The following STMP1 variants were observed in gnomAD, a reference collection of about 807,000 sequenced individuals.
STMP1 encodes the protein short transmembrane mitochondrial protein 1.
Under a neutral mutation model 7.0 loss-of-function variants are expected in STMP1, and 7 were observed. The ratio of observed to expected loss-of-function variants is 1.01; its 90% CI spans 0.57 to 1.89. The LOEUF (loss-of-function observed/expected upper bound fraction) is 1.89, where lower values mean the gene tolerates loss of function less well. STMP1 is among the 40% of genes most tolerant of loss of function. STMP1 has a pLI of 0.00. For missense variants in STMP1, 45 were observed against 53.0 expected (o/e 0.85, Z 0.47); for synonymous variants, 19 against 18.4 (o/e 1.03, Z -0.08).
intron 1 of STMP1, among the ~76,000 whole-genome samples, chr7:135,670,552 G>T (rs1430158056): frequency 1.3e-5 from 2 of 152,030 alleles, no homozygotes; most frequent in Non-Finnish European, 2.9e-5. Context: ...TGCTTTTCTG[G>T]CTTCATGCAT....
In STMP1 at chr7:135,662,576, C is replaced by T. The variant is rs1375143947; in HGVS notation, c.-4C>T. On this transcript the variant is annotated 5_prime_UTR_variant, in exon 1 of 3. Coordinates refer to ENST00000507606, the MANE Select transcript of STMP1 (RefSeq NM_001130929.2). ...GCGCCCTCCTCGCCCTCCCCACCGACATCATGCTCCAGTTCCTGGTGAGTG... is the reference window on the plus strand; with the variant it reads ...GCGCCCTCCTCGCCCTCCCCACCGATATCATGCTCCAGTTCCTGGTGAGTG... 10 of 1,548,632 alleles carry T rather than the reference C, an allele frequency of 6.5e-6. No homozygotes were observed. Among genetic ancestry groups the T allele is most frequent in the African/African-American group, 1.4e-5 (1 of 72,780 alleles).
chr7:135,670,691 T>C (rs1795348117), intron 1 of STMP1, among the ~76,000 whole-genome samples: 1 of 149,458 alleles, frequency 6.7e-6, no homozygotes, highest in African/African-American at 2.6e-5. Flanking sequence ...GTTTTTGTTT[T>C]GTGTTGTGTT....
chr7:135,669,878 T>A (rs78951724), intron 1 of STMP1, among the ~76,000 whole-genome samples: 2,784 of 152,352 alleles, frequency 0.018, 78 homozygotes, highest in African/African-American at 0.06. Flanking sequence ...TGAGTTATGA[T>A]GAAATGTAGT....
chr7:135,663,798 A>T (rs1289557250), intron 1 of STMP1, among the ~76,000 whole-genome samples: 1 of 152,168 alleles, frequency 6.6e-6, no homozygotes, highest in Non-Finnish European at 1.5e-5. Flanking sequence ...GGTGCGCGCC[A>T]GCAGGCCCAG....
chr7:135,666,509 C>T lies in STMP1; in HGVS notation c.15+3915C>T, dbSNP rs181063372. ...GATTACAGACGTGTGCCACCATCCC[C>T]GGCTAATTTTTGTATTTTTAGTAGA... On this transcript the variant is annotated intron_variant, in intron 1 of 2. Transcript: ENST00000507606. 4.8e-4 allele frequency among the ~76,000 whole-genome samples: 73 copies of T among 151,928 alleles called. 1 individual carries two copies. The South Asian group carries it at 6.2e-3, about 13-fold the overall frequency.
chr7:135,667,718 G>A lies in STMP1; in HGVS notation c.16-5035G>A, dbSNP rs183408514. The stretch of plus-strand genomic sequence containing the variant: ...GTCCAATTTTTTTTTTTGGTTACTT[G>A]TACTTTTGGTGTCATATCTAAGAAA... On this transcript the variant is annotated intron_variant, in intron 1 of 2. Transcript: ENST00000507606. Among the ~76,000 whole-genome samples, 421 of 149,256 alleles carry A rather than the reference G, an allele frequency of 2.8e-3. 3 individuals carry two copies. Among genetic ancestry groups the A allele is most frequent in the African/African-American group, 9.7e-3 (394 of 40,458 alleles).
chr7:135,663,820 A>G (rs577053696), intron 1 of STMP1, among the ~76,000 whole-genome samples: 2 of 151,104 alleles, frequency 1.3e-5, no homozygotes, highest in South Asian at 4.2e-4. Flanking sequence ...TAATTTTTGT[A>G]TTTTTAGTAG....
intron 1 of STMP1, among the ~76,000 whole-genome samples, chr7:135,669,559 C>G (rs926209715): frequency 6.6e-6 from 1 of 152,168 alleles, no homozygotes; most frequent in Non-Finnish European, 1.5e-5. Flanking sequence ...TCTGCAGTCC[C>G]TTAATCAAAA....
intron 1 of STMP1, among the ~76,000 whole-genome samples, chr7:135,664,344 ATTTTTT>A (rs767469164): frequency 1.1e-4 from 13 of 114,986 alleles, no homozygotes; most frequent in Admixed American, 6.3e-4. Context: ...CTGTGTGTTA[ATTTTTT>A]TTTTTTTTTT....
Position 135,674,255 on chromosome 7 carries a change from T to C in STMP1, c.*90T>C. 9.8e-7 allele frequency: 1 copy of C among 1,021,680 alleles called. No individual in the cohort carries two copies. The highest frequency in any genetic ancestry group is 1.4e-6 in the Non-Finnish European group (1 of 703,094). 63.3% of individuals were successfully genotyped at this position (1,021,680 alleles called of 1,614,324 possible). A position where few individuals can be genotyped will look rare whatever the true frequency, so the allele number is the denominator to read the frequency against. On this transcript the variant is annotated 3_prime_UTR_variant, in exon 3 of 3. Coordinates refer to ENST00000507606, the MANE Select transcript of STMP1 (RefSeq NM_001130929.2). ...TCTGAACCAAAAGCTTTTGTTTTCG[T>C]CTCCAGCCTCAGCACTTCTCTTCTT... is the stretch of plus-strand genomic sequence containing the variant.
intron 2 of STMP1, 164 bp downstream of exon 2, chr7:135,672,970 C>T (rs1391610474): frequency 1.6e-6 from 1 of 635,272 alleles, no homozygotes; most frequent in South Asian, 2.0e-5. Flanking sequence ...AAAAAGTAAT[C>T]CAACTCATGA....
chr7:135,663,836 G>A (rs1440632647), intron 1 of STMP1, among the ~76,000 whole-genome samples: 1 of 152,032 alleles, frequency 6.6e-6, no homozygotes, highest in Non-Finnish European at 1.5e-5. Context: ...AGTAGAGACG[G>A]GGTTTCACCC....
intron 1 of STMP1, among the ~76,000 whole-genome samples, chr7:135,666,575 CAT>C (rs1362283320): frequency 6.6e-6 from 1 of 152,096 alleles, no homozygotes; most frequent in Non-Finnish European, 1.5e-5. Context: ...CTCCTGGCCT[CAT>C]GTGATCTGCC....
intron 2 of STMP1, 82 bp from the exon 3 acceptor site, chr7:135,674,009 C>A: frequency 1.2e-6 from 1 of 858,800 alleles, no homozygotes; most frequent in South Asian, 1.7e-5. Context: ...GCTTGTAAAA[C>A]CATTTATCTT....
intron 1 of STMP1, among the ~76,000 whole-genome samples, chr7:135,671,960 T>C (rs1045536747): frequency 6.6e-6 from 1 of 152,196 alleles, no homozygotes; most frequent in Non-Finnish European, 1.5e-5. Flanking sequence ...TTCTCTGAGA[T>C]CCTATGATTT....
chr7:135,667,129 G>C (rs1795303131), intron 1 of STMP1, among the ~76,000 whole-genome samples: 1 of 152,228 alleles, frequency 6.6e-6, no homozygotes, highest in Admixed American at 6.5e-5. Flanking sequence ...CTAATGTTGA[G>C]CATCTTTTCA....
chr7:135,673,030 G>T, intron 2 of STMP1: 3 of 546,754 alleles, frequency 5.5e-6, no homozygotes, highest in Non-Finnish European at 9.7e-6. Context: ...CTTCAGTTTA[G>T]CTGGGCTCAT....
chr7:135,662,759 C>T (rs1168781335), intron 1 of STMP1, among the ~76,000 whole-genome samples, 165 bp downstream of exon 1: 1 of 152,258 alleles, frequency 6.6e-6, no homozygotes, highest in South Asian at 2.1e-4. Flanking sequence ...CGTTTTCTTC[C>T]TGCCTCCCCA....
Position 135,675,584 on chromosome 7 carries a change from A to G in STMP1, c.*1419A>G, listed in dbSNP as rs563306983. Reference sequence around the variant, plus strand: ...TATCGATTCAGGGTATAGCTATAAGATGAAGTCCTAAAAGTATAATTTAGA... The same window carrying G: ...TATCGATTCAGGGTATAGCTATAAGGTGAAGTCCTAAAAGTATAATTTAGA... On this transcript the variant is annotated 3_prime_UTR_variant, in exon 3 of 3. Transcript: ENST00000507606. 1 of 152,216 alleles carries G rather than the reference A, an allele frequency of 6.6e-6. No individual in the cohort carries two copies. The highest frequency in any genetic ancestry group is 1.5e-5 in the Non-Finnish European group (1 of 68,034). The allele number at this position is 152,216 out of a possible 1,614,324, so 9.4% of individuals were successfully genotyped here. A position where few individuals can be genotyped will look rare whatever the true frequency, so the allele number is the denominator to read the frequency against.
Sources: gnomAD v4.1 joint callset for allele counts (sites outside exome capture counted in the v4.1 genomes callset) on GRCh38, gnomAD v4.1.1 for gene constraint, MANE v1.5 for transcripts, NCBI Gene and HGNC (gene_info 2026-07-23, HGNC 2026-07-21) for gene names.